The following PARVB variants were observed in gnomAD, a reference collection of about 807,000 sequenced individuals.
The protein encoded by PARVB is parvin beta, also known as beta-parvin.
PARVB carries 46 observed loss-of-function variants against 47.0 expected under a neutral mutation model. The observed-to-expected ratio is 0.98, with a 90% CI of 0.77 to 1.25. PARVB has a LOEUF of 1.25. PARVB is among the 50% of genes most tolerant of loss of function. The pLI is 0.00. For synonymous variants in PARVB, 196 were observed against 196.3 expected (o/e 1.00, Z 0.01); for missense variants, 473 against 471.6 (o/e 1.00, Z -0.03).
rs559382845 is a variant in PARVB, at chr22:44,167,960, C to T, written c.1019-642C>T. On this transcript the variant is annotated intron_variant, in intron 12 of 12. Transcript: ENST00000338758. ...ATTCTTAGCATCCACCCCACCTGCTCTCTCAGTAACCGATGTCGTTTCTTA... is the reference window on the plus strand; with the variant it reads ...ATTCTTAGCATCCACCCCACCTGCTTTCTCAGTAACCGATGTCGTTTCTTA... 2.0e-5 allele frequency: 3 copies of T among 152,728 alleles called. No homozygotes were observed. In the East Asian group the frequency reaches 5.8e-4, roughly 29 times the overall value. The allele number at this position is 152,728 out of a possible 1,614,324, so 9.5% of individuals were successfully genotyped here. A position where few individuals can be genotyped will look rare whatever the true frequency, so the allele number is the denominator to read the frequency against.
intron 1 of PARVB, among the ~76,000 whole-genome samples, chr22:44,093,709 G>A (rs1830894346): frequency 6.6e-6 from 1 of 152,208 alleles, no homozygotes; most frequent in Non-Finnish European, 1.5e-5. Flanking sequence ...AGAGCTCAGC[G>A]AGACCTGGGA....
rs142126201 is a variant in PARVB at position 44,146,373 on chromosome 22, G to A, written c.713-1488G>A. 1.8e-3 allele frequency: 266 copies of A among 149,880 alleles called. 2 individuals are homozygous for A. The East Asian group carries it at 0.029, about 16-fold the overall frequency. 9.3% of individuals were successfully genotyped at this position (149,880 alleles called of 1,614,324 possible). A position where few individuals can be genotyped will look rare whatever the true frequency, so the allele number is the denominator to read the frequency against. ...CTCACACACACACATGCACACACGT[G>A]CTCGCACACGCACACATGCTCACAC... On this transcript the variant is annotated intron_variant, in intron 8 of 12. Coordinates refer to ENST00000338758, the MANE Select transcript of PARVB (RefSeq NM_013327.5).
At chr22:44,166,508 G>A (rs568650242) in intron 12 of PARVB, among the ~76,000 whole-genome samples, 2 of 152,222 alleles carry the variant, frequency 1.3e-5, no homozygotes, top group Non-Finnish European at 2.9e-5. Context: ...CCCTGAGCCC[G>A]GATGTGTTTC....
intron 2 of PARVB, among the ~76,000 whole-genome samples, chr22:44,012,771 C>T (rs1303177527): frequency 6.6e-6 from 1 of 152,064 alleles, no homozygotes; most frequent in African/African-American, 2.4e-5. Flanking sequence ...GGAATGAGTT[C>T]CCTTTTCTCT....
chr22:44,132,925 C>CA lies in PARVB; in HGVS notation c.549_550insA (p.His184ThrfsTer18). 1 of 1,614,050 alleles carries CA rather than the reference C, an allele frequency of 6.2e-7. No homozygotes were observed. Among genetic ancestry groups the CA allele is most frequent in the Non-Finnish European group, 8.5e-7 (1 of 1,179,920 alleles). On this transcript the variant is annotated frameshift_variant, in exon 6 of 13. Coordinates refer to ENST00000338758, the MANE Select transcript of PARVB (RefSeq NM_013327.5). LOFTEE classifies it high-confidence loss of function. ...ACGGGAAGAACCTGGTGGCCATCCT[C>CA]CACCTGCTGGTCTCTCTGGCCATGC...
chr22:44,066,252 C>T (rs957566166), intron 1 of PARVB, among the ~76,000 whole-genome samples: 2 of 152,150 alleles, frequency 1.3e-5, no homozygotes, highest in African/African-American at 4.8e-5. Context: ...CAGTGAAGGG[C>T]CCAATTCAAA....
intron 11 of PARVB, among the ~76,000 whole-genome samples, chr22:44,158,523 C>T (rs1484292133): frequency 6.6e-6 from 1 of 152,208 alleles, no homozygotes; most frequent in African/African-American, 2.4e-5. Context: ...TCAACTTGAA[C>T]ATGTTTCTAT....
chr22:44,034,387 T>C (rs2050882079), intron 1 of PARVB, among the ~76,000 whole-genome samples: 1 of 150,518 alleles, frequency 6.6e-6, no homozygotes, highest in Non-Finnish European at 1.5e-5. Flanking sequence ...TCTTTATACA[T>C]ATATATATGT....
chr22:44,163,578 C>T (rs1216323424), intron 11 of PARVB, among the ~76,000 whole-genome samples: 3 of 152,182 alleles, frequency 2.0e-5, no homozygotes, highest in Non-Finnish European at 2.9e-5. Context: ...TCTTGGTGGC[C>T]GTGAGCCCTC....
In PARVB at chr22:44,131,102, C is replaced by T. The variant is rs1201273189; in HGVS notation, c.377-385C>T. ...CTTTTTTTCTTTCTTCTCTCTCTCTCTCCTTCCTTCCTTCCTTCCTTTTTC... is the reference window on the plus strand; with the variant it reads ...CTTTTTTTCTTTCTTCTCTCTCTCTTTCCTTCCTTCCTTCCTTCCTTTTTC... On this transcript the variant is annotated intron_variant, in intron 4 of 12. Transcript: ENST00000338758. Among the ~76,000 whole-genome samples, 3 of 119,426 alleles carry T rather than the reference C, an allele frequency of 2.5e-5. No individual in the cohort carries two copies. The East Asian group carries it at 8.7e-4, about 35-fold the overall frequency. The allele number at this position is 119,426 out of a possible 152,430, so 78.3% of individuals were successfully genotyped here. A position where few individuals can be genotyped will look rare whatever the true frequency, so the allele number is the denominator to read the frequency against.
upstream of PARVB, among the ~76,000 whole-genome samples, chr22:44,023,703 C>A (rs1336982430): frequency 6.6e-6 from 1 of 152,168 alleles, no homozygotes; most frequent in East Asian, 1.9e-4. Flanking sequence ...TGGCACCCCA[C>A]ACTGTCCCCA....
In PARVB at chr22:44,029,900, ACT is replaced by A. The variant is rs759954918; in HGVS notation, c.112+5452_112+5453del. Among the ~76,000 whole-genome samples, 12 of 140,212 alleles carry A rather than the reference ACT, an allele frequency of 8.6e-5. 1 individual carries two copies. The highest frequency in any genetic ancestry group is 7.0e-4 in the South Asian group (3 of 4,276). 92.0% of individuals were successfully genotyped at this position (140,212 alleles called of 152,430 possible). On this transcript the variant is annotated intron_variant, in intron 1 of 12. Transcript: ENST00000338758. ...ACTCCAGCCTGGGAGACAAAGCGAG[ACT>A]CTGCCTCAAAAAAAAAAAAGAAAAG...
At chr22:44,148,251 C>T (rs2053730076) in intron 9 of PARVB, 1 of 377,728 alleles carries the variant, frequency 2.6e-6, no homozygotes, top group Admixed American at 3.7e-5. Flanking sequence ...TCTCGCTGGC[C>T]TCATTTACCA....
At chr22:44,100,711 G>A (rs891527002) in intron 3 of PARVB, among the ~76,000 whole-genome samples, 10 of 152,326 alleles carry the variant, frequency 6.6e-5, no homozygotes, top group East Asian at 1.9e-4. Flanking sequence ...CTTCTCCAGC[G>A]TGGCTCCTGC....
At position 44,171,993 on chromosome 22, in the gene PARVB, A is replaced by T. The variant is rs2147205933; in HGVS notation, c.*3315A>T. On this transcript the variant is annotated 3_prime_UTR_variant, in exon 13 of 13. Transcript: ENST00000338758. ...TGGAACGGCAGGTGCACACCACCGC[A>T]CCCGGCTTGGATGTGATCTTTTGTC... The T allele has an allele frequency of 6.6e-6, 1 of 151,978 alleles. No homozygotes were observed. Among genetic ancestry groups the T allele is most frequent in the African/African-American group, 2.4e-5 (1 of 41,440 alleles). 9.4% of individuals were successfully genotyped at this position (151,978 alleles called of 1,614,324 possible).
intron 4 of PARVB, chr22:44,119,639 G>T (rs759605725): frequency 2.4e-6 from 1 of 417,410 alleles, no homozygotes; most frequent in Non-Finnish European, 5.0e-6. Flanking sequence ...ATGGTTTGAT[G>T]TGCAGACAAA....
chr22:44,082,907 G>A (rs532123155), intron 1 of PARVB, among the ~76,000 whole-genome samples: 7 of 152,192 alleles, frequency 4.6e-5, no homozygotes, highest in African/African-American at 1.7e-4. Flanking sequence ...AGAAGACCCA[G>A]TTTCCCTGAG....
chr22:44,058,630 C>T (rs1297011269), intron 1 of PARVB, among the ~76,000 whole-genome samples: 1 of 149,472 alleles, frequency 6.7e-6, no homozygotes, highest in Non-Finnish European at 1.5e-5. Context: ...TCTTGGCTCC[C>T]TGCAACCTCC....
rs557088108 is a variant in PARVB at position 44,074,532 on chromosome 22, C to T, written c.113-19396C>T. ...GAGGATGCCCTGTTTCCATGGCAAC[C>T]CTAGGTGGGAGGCCAGGGCTTCAGG... On this transcript the variant is annotated intron_variant, in intron 1 of 12. Transcript: ENST00000338758. 9.8e-5 allele frequency among the ~76,000 whole-genome samples: 15 copies of T among 152,296 alleles called. 1 individual carries two copies. In the South Asian group the frequency reaches 3.1e-3, roughly 32 times the overall value.
Sources: gnomAD v4.1 joint callset for allele counts (sites outside exome capture counted in the v4.1 genomes callset) on GRCh38, gnomAD v4.1.1 for gene constraint, MANE v1.5 for transcripts, NCBI Gene and HGNC (gene_info 2026-07-23, HGNC 2026-07-21) for gene names.